Variants in ARHGAP42 observed in about 807,000 individuals in gnomAD.
ARHGAP42 encodes rho GTPase-activating protein 42.
In ARHGAP42, 63 loss-of-function variants were observed where a neutral mutation model predicts 125.0. The ratio of observed to expected loss-of-function variants is 0.50; its 90% CI spans 0.41 to 0.62. The LOEUF (loss-of-function observed/expected upper bound fraction) is 0.62, where lower values mean the gene tolerates loss of function less well. Among genes scored for constraint, ARHGAP42 ranks in the 20% least tolerant of loss-of-function variants. The pLI, the probability that ARHGAP42 is intolerant of heterozygous loss-of-function variation, is 0.00. For synonymous variants in ARHGAP42, 339 were observed against 351.0 expected, an observed-to-expected ratio of 0.97 and a Z score of 0.38; for missense variants, 766 against 1,024.2, an observed-to-expected ratio of 0.75 and a Z score of 3.44.
At chr11:100,812,913 A>G (rs1864181802) in intron 3 of ARHGAP42, among the ~76,000 whole-genome samples, 1 of 152,136 alleles carries the variant, frequency 6.6e-6, no homozygotes, top group Admixed American at 6.5e-5. Flanking sequence ...CTGATTTAGG[A>G]ATTTAAAGGA....
intron 3 of ARHGAP42, among the ~76,000 whole-genome samples, chr11:100,815,056 A>G (rs1864234357): frequency 2.0e-5 from 3 of 152,166 alleles, no homozygotes; most frequent in Admixed American, 2.0e-4. Context: ...GGTGTCCAGT[A>G]CTTTTTCTTT....
chr11:100,765,461 T>C (rs1862808247), intron 1 of ARHGAP42, among the ~76,000 whole-genome samples: 1 of 152,192 alleles, frequency 6.6e-6, no homozygotes, highest in Non-Finnish European at 1.5e-5. Flanking sequence ...TCACTTAACT[T>C]ATCTGTGCCT....
At chr11:100,753,384 T>C (rs1244151333) in intron 1 of ARHGAP42, among the ~76,000 whole-genome samples, 1 of 152,204 alleles carries the variant, frequency 6.6e-6, no homozygotes, top group Non-Finnish European at 1.5e-5. Context: ...CAGGCCGTCA[T>C]TCTTTTCCTT....
intron 4 of ARHGAP42, among the ~76,000 whole-genome samples, chr11:100,901,727 G>T (rs12417065): frequency 0.066 from 10,074 of 152,324 alleles, 457 homozygotes; most frequent in East Asian, 0.25. Flanking sequence ...AGCCAGGCAC[G>T]GGAGAGAATC....
chr11:100,817,360 G>A (rs1362638113), intron 3 of ARHGAP42, among the ~76,000 whole-genome samples: 1 of 152,088 alleles, frequency 6.6e-6, no homozygotes, highest in Non-Finnish European at 1.5e-5. Flanking sequence ...GTATCTAATA[G>A]GTATCCCTTA....
At position 100,744,640 on chromosome 11, in the gene ARHGAP42, T is replaced by A. The variant is rs191269144; in HGVS notation, c.155-25703T>A. Among the ~76,000 whole-genome samples the A allele has an allele frequency of 3.3e-5, 5 of 152,206 alleles. No homozygotes were observed. The East Asian group carries it at 9.7e-4, about 29-fold the overall frequency. The stretch of plus-strand genomic sequence containing the variant: ...TTAATGTTTACAGTTTATTGTAGCC[T>A]AATTTGGCTCTTGCTTTTGGTGCTT... On this transcript the variant is annotated intron_variant, in intron 1 of 23. Transcript: ENST00000298815.
At chr11:100,747,777 G>A (rs1266580083) in intron 1 of ARHGAP42, among the ~76,000 whole-genome samples, 1 of 151,940 alleles carries the variant, frequency 6.6e-6, no homozygotes, top group African/African-American at 2.4e-5. Context: ...ACATTCAGGA[G>A]GCCTAATTAC....
chr11:100,949,892 C>T, intron 11 of ARHGAP42, 25 bp from the exon 12 acceptor site: 1 of 1,426,426 alleles, frequency 7.0e-7, no homozygotes, highest in South Asian at 1.4e-5. Flanking sequence ...CTGGAAGTAA[C>T]TAATGGACAT....
At chr11:100,708,184 T>C (rs1861507874) in intron 1 of ARHGAP42, among the ~76,000 whole-genome samples, 1 of 152,178 alleles carries the variant, frequency 6.6e-6, no homozygotes, top group African/African-American at 2.4e-5. Flanking sequence ...GTCCCTTTTG[T>C]GAGCTGTACC....
At chr11:100,694,699 GGCTGCT>G (rs1861244969) in intron 1 of ARHGAP42, among the ~76,000 whole-genome samples, 3 of 152,148 alleles carry the variant, frequency 2.0e-5, no homozygotes, top group African/African-American at 7.2e-5. Flanking sequence ...ATCAACCACA[GGCTGCT>G]TCTTGCTGAC....
At chr11:100,797,325 G>A (rs1565218114) in intron 3 of ARHGAP42, among the ~76,000 whole-genome samples, 1 of 152,180 alleles carries the variant, frequency 6.6e-6, no homozygotes, top group African/African-American at 2.4e-5. Flanking sequence ...CTTGGAAGAA[G>A]TTGCCATCTA....
At chr11:100,786,889 C>T (rs1022869154) in intron 2 of ARHGAP42, among the ~76,000 whole-genome samples, 1 of 151,948 alleles carries the variant, frequency 6.6e-6, no homozygotes, top group Non-Finnish European at 1.5e-5. Context: ...ATTATAATTC[C>T]CCTGTGTCAA....
chr11:100,753,534 G>T (rs1363936853), intron 1 of ARHGAP42, among the ~76,000 whole-genome samples: 1 of 152,190 alleles, frequency 6.6e-6, no homozygotes, highest in South Asian at 2.1e-4. Flanking sequence ...AAGGGAGTTT[G>T]TCCCCACTTG....
chr11:100,741,718 T>C (rs1235008551), intron 1 of ARHGAP42, among the ~76,000 whole-genome samples: 1 of 152,230 alleles, frequency 6.6e-6, no homozygotes, highest in African/African-American at 2.4e-5. Flanking sequence ...GTGGGAGACT[T>C]CTGCCCCACA....
rs144254070 is a variant in ARHGAP42, at chr11:100,975,001, A to G, written c.1855+398A>G. ...ATTATCTCTTGGGTATCAGTGTCTG[A>G]AAGAGAAAAGATAAAAAGAAACAAC... On this transcript the variant is annotated intron_variant, in intron 19 of 23. Transcript: ENST00000298815. Among the ~76,000 whole-genome samples, 659 of 152,212 alleles carry G rather than the reference A, an allele frequency of 4.3e-3. 5 individuals carry two copies. Among genetic ancestry groups the G allele is most frequent in the African/African-American group, 0.015 (620 of 41,538 alleles).
At chr11:100,784,496 A>G (rs1347436486) in intron 2 of ARHGAP42, among the ~76,000 whole-genome samples, 1 of 152,196 alleles carries the variant, frequency 6.6e-6, no homozygotes, top group African/African-American at 2.4e-5. Context: ...GAGAGGAATC[A>G]GCAGCATTTG....
intron 1 of ARHGAP42, among the ~76,000 whole-genome samples, chr11:100,741,878 C>T (rs1862194792): frequency 1.3e-5 from 2 of 152,160 alleles, no homozygotes; most frequent in South Asian, 4.1e-4. Flanking sequence ...CTGCAATGTG[C>T]AGTTCTGGCA....
intron 3 of ARHGAP42, among the ~76,000 whole-genome samples, chr11:100,809,466 A>G (rs1864085699): frequency 6.6e-6 from 1 of 152,224 alleles, no homozygotes; most frequent in Admixed American, 6.5e-5. Flanking sequence ...ACCTTGAGAA[A>G]TTTCCGGTTA....
intron 3 of ARHGAP42, among the ~76,000 whole-genome samples, chr11:100,859,172 T>C (rs1865388679): frequency 6.6e-6 from 1 of 152,022 alleles, no homozygotes; most frequent in Non-Finnish European, 1.5e-5. Context: ...ATGGAAGAGC[T>C]TTTATATAGT....
Sources: allele counts gnomAD v4.1 joint callset (sites outside exome capture counted in the v4.1 genomes callset), GRCh38; gene constraint gnomAD v4.1.1; transcripts MANE v1.5; gene names NCBI Gene and HGNC (gene_info 2026-07-23, HGNC 2026-07-21).